DOCK1: variants seen among roughly 807,000 people sequenced by gnomAD.
DOCK1 encodes the protein dedicator of cytokinesis protein 1.
A neutral mutation model predicts 262.7 loss-of-function variants in DOCK1; 138 were observed. The observed-to-expected ratio is 0.53, with a 90% confidence interval of 0.46 to 0.61. DOCK1 has a LOEUF of 0.61. DOCK1 is among the 20% of genes least tolerant of loss of function. The probability of loss-of-function intolerance (pLI) is 0.00; values close to 1 mark genes in which losing one functional copy is unlikely to be tolerated. For missense variants in DOCK1, 1,908 were observed against 2,370.7 expected (o/e 0.80, Z 4.05); for synonymous variants, 866 against 867.4 (o/e 1.00, Z 0.03).
Position 127,286,884 on chromosome 10 carries a change from G to GT in DOCK1, c.3044+29464dup, listed in dbSNP as rs1019110473. Among the ~76,000 whole-genome samples the GT allele has an allele frequency of 3.0e-3, 408 of 135,220 alleles. 1 individual carries two copies. Among genetic ancestry groups the GT allele is most frequent in the African/African-American group, 7.4e-3 (268 of 36,442 alleles). 88.7% of individuals were successfully genotyped at this position (135,220 alleles called of 152,430 possible). Reference sequence around the variant, plus strand: ...TTTTTTTCTTTTTTTTTTTCTTTTTGTTTTTTTTTGAGAGAGAGTCTTGCT... The same window carrying GT: ...TTTTTTTCTTTTTTTTTTTCTTTTTGTTTTTTTTTTGAGAGAGAGTCTTGCT... On this transcript the variant is annotated intron_variant, in intron 29 of 51. Transcript: ENST00000623213.
chr10:127,436,644 A>T lies in DOCK1; in HGVS notation c.5061-2383A>T, dbSNP rs144412147. Among the ~76,000 whole-genome samples the T allele has an allele frequency of 4.5e-3, 680 of 152,236 alleles. 3 individuals are homozygous for T. The highest frequency in any genetic ancestry group is 7.2e-3 in the Non-Finnish European group (492 of 68,016). ...TAATCTTTTTTTTTCAATCTGTATC[A>T]ATCATATTTTCCAGCAAATCTCAAA... On this transcript the variant is annotated intron_variant, in intron 48 of 51. Coordinates refer to ENST00000623213, the MANE Select transcript of DOCK1 (RefSeq NM_001290223.2).
At chr10:127,432,488 C>T (rs1454121212) in intron 47 of DOCK1, among the ~76,000 whole-genome samples, 1 of 151,996 alleles carries the variant, frequency 6.6e-6, no homozygotes, top group African/African-American at 2.4e-5. Flanking sequence ...ACTTAGTTTC[C>T]ACATCCTCAG....
At chr10:127,216,546 C>T (rs897000573) in intron 27 of DOCK1, among the ~76,000 whole-genome samples, 1 of 152,130 alleles carries the variant, frequency 6.6e-6, no homozygotes. Flanking sequence ...TTGGGCTGGG[C>T]AACCTCACCT....
At chr10:127,223,379 C>T (rs1386914758) in intron 27 of DOCK1, among the ~76,000 whole-genome samples, 1 of 152,110 alleles carries the variant, frequency 6.6e-6, no homozygotes, top group Non-Finnish European at 1.5e-5. Flanking sequence ...TTTAGTAATT[C>T]TATCTTGCTA....
At chr10:127,042,571 G>GT in intron 19 of DOCK1, 54 bp from the exon 20 acceptor site, 1 of 1,473,548 alleles carries the variant, frequency 6.8e-7, no homozygotes, top group Non-Finnish European at 9.5e-7. Context: ...ATTCCAGTGT[G>GT]TGGGGGAAGT....
chr10:127,005,240 A>T (rs985532355), intron 10 of DOCK1, among the ~76,000 whole-genome samples: 1 of 151,896 alleles, frequency 6.6e-6, no homozygotes, highest in African/African-American at 2.4e-5. Context: ...CCAAGGCAGG[A>T]GGGATTGCCT....
chr10:127,125,668 A>G (rs2049905740), intron 26 of DOCK1, 67 bp downstream of exon 26: 1 of 1,559,074 alleles, frequency 6.4e-7, no homozygotes, highest in Admixed American at 2.0e-5. Context: ...TTGCAGTACA[A>G]CTTTATTCAG....
intron 28 of DOCK1, among the ~76,000 whole-genome samples, chr10:127,255,357 G>T (rs2059795695): frequency 6.6e-6 from 1 of 152,178 alleles, no homozygotes; most frequent in Non-Finnish European, 1.5e-5. Context: ...CTAAGATCGT[G>T]CCACTGTACT....
intron 27 of DOCK1, among the ~76,000 whole-genome samples, chr10:127,180,003 A>G (rs775972415): frequency 6.6e-6 from 1 of 152,198 alleles, no homozygotes; most frequent in South Asian, 2.1e-4. Flanking sequence ...ATTTTTTGCA[A>G]CTTGCTCAGA....
At chr10:127,407,170 G>A in intron 40 of DOCK1, among the ~76,000 whole-genome samples, 1 of 152,030 alleles carries the variant, frequency 6.6e-6, no homozygotes, top group Non-Finnish European at 1.5e-5. Flanking sequence ...AATAAGCTGG[G>A]GCAAGGGAAG....
At chr10:126,980,549 C>T (rs2038887508) in intron 3 of DOCK1, among the ~76,000 whole-genome samples, 1 of 152,140 alleles carries the variant, frequency 6.6e-6, no homozygotes, top group South Asian at 2.1e-4. Context: ...GACGCCTTCC[C>T]TCTCTGTGAT....
chr10:127,352,882 C>T (rs1278009270), intron 31 of DOCK1, among the ~76,000 whole-genome samples: 3 of 152,034 alleles, frequency 2.0e-5, no homozygotes, highest in African/African-American at 4.8e-5. Flanking sequence ...CGTGAGCCAC[C>T]GCACCTGGCC....
At chr10:127,019,014 T>A in intron 13 of DOCK1, 179 bp downstream of exon 13, 1 of 969,914 alleles carries the variant, frequency 1.0e-6, no homozygotes, top group Non-Finnish European at 1.5e-6. Flanking sequence ...AGTGGTAGAA[T>A]ATGCTCCCTG....
At chr10:127,011,608 A>T (rs1017495307) in intron 11 of DOCK1, among the ~76,000 whole-genome samples, 1 of 152,128 alleles carries the variant, frequency 6.6e-6, no homozygotes, top group Non-Finnish European at 1.5e-5. Flanking sequence ...CTCCTGGTTC[A>T]TGGGCCCTGA....
At chr10:127,404,053 A>T (rs2067373230) in intron 39 of DOCK1, among the ~76,000 whole-genome samples, 1 of 152,230 alleles carries the variant, frequency 6.6e-6, no homozygotes, top group Non-Finnish European at 1.5e-5. Flanking sequence ...GAAAACACCC[A>T]TAAGTCACAA....
At chr10:127,342,699 A>G (rs1166009718) in intron 30 of DOCK1, among the ~76,000 whole-genome samples, 1 of 152,182 alleles carries the variant, frequency 6.6e-6, no homozygotes, top group African/African-American at 2.4e-5. Flanking sequence ...CTTTGATATA[A>G]TACATATTAT....
At chr10:127,197,650 C>G (rs2057267551) in intron 27 of DOCK1, among the ~76,000 whole-genome samples, 1 of 152,106 alleles carries the variant, frequency 6.6e-6, no homozygotes, top group Admixed American at 6.5e-5. Flanking sequence ...AATGGAAAGT[C>G]CCTTCACCCA....
Position 127,068,479 on chromosome 10 carries a change from A to G in DOCK1, c.2445+6703A>G, listed in dbSNP as rs528286510. ...CCTGCCTTCGCCCCTTCGTCTTTAT[A>G]TGTGTTCCAGATTTTCATAAAGGTA... On this transcript the variant is annotated intron_variant, in intron 23 of 51. Transcript: ENST00000623213. Among the ~76,000 whole-genome samples, 1,015 of 152,226 alleles carry G rather than the reference A, an allele frequency of 6.7e-3. 5 individuals carry two copies. The highest frequency in any genetic ancestry group is 0.014 in the Middle Eastern group (4 of 294).
Position 127,319,768 on chromosome 10 carries a change from A to G in DOCK1, c.3045-19238A>G, listed in dbSNP as rs57815994. On this transcript the variant is annotated intron_variant, in intron 29 of 51. Coordinates refer to ENST00000623213, the MANE Select transcript of DOCK1 (RefSeq NM_001290223.2). The stretch of plus-strand genomic sequence containing the variant: ...TCTGAAAGCAGAGCATCATGTGGCC[A>G]CGTGTCTGCTCGGCTCTGCCTTACT... Among the ~76,000 whole-genome samples the G allele has an allele frequency of 1.8e-3, 268 of 152,332 alleles. 1 individual carries two copies. The highest frequency in any genetic ancestry group is 6.3e-3 in the African/African-American group (261 of 41,572).
Sources: allele counts gnomAD v4.1 joint callset (sites outside exome capture counted in the v4.1 genomes callset), GRCh38; gene constraint gnomAD v4.1.1; transcripts MANE v1.5; gene names NCBI Gene and HGNC (gene_info 2026-07-23, HGNC 2026-07-21).